The following TBC1D19 variants were observed in gnomAD, a reference collection of about 807,000 sequenced individuals.
TBC1D19 encodes TBC1 domain family member 19.
TBC1D19 carries 60 observed loss-of-function variants against 89.0 expected under a neutral mutation model. The ratio of observed to expected loss-of-function variants is 0.67; its 90% CI spans 0.55 to 0.84. The LOEUF (loss-of-function observed/expected upper bound fraction) is 0.84, where lower values mean the gene tolerates loss of function less well. Ranked by LOEUF, TBC1D19 falls within the 40% of genes least tolerant of loss-of-function variation. The probability of loss-of-function intolerance (pLI) is 0.00; values close to 1 mark genes in which losing one functional copy is unlikely to be tolerated. For missense variants in TBC1D19, 500 were observed against 610.8 expected (o/e 0.82, Z 1.91); for synonymous variants, 189 against 199.7 (o/e 0.95, Z 0.45).
the TBC1D19 span, among the ~76,000 whole-genome samples, chr4:26,854,956 C>T: frequency 6.6e-6 from 1 of 152,190 alleles, no homozygotes; most frequent in Non-Finnish European, 1.5e-5. Flanking sequence ...CCTGCAGAAA[C>T]CTTTGACTGA....
At chr4:26,597,372 A>T (rs1252970880) in intron 1 of TBC1D19, among the ~76,000 whole-genome samples, 2 of 152,088 alleles carry the variant, frequency 1.3e-5, no homozygotes, top group Non-Finnish European at 2.9e-5. Flanking sequence ...GTATGGTGTT[A>T]TTATAGCTGC....
chr4:26,682,724 TG>T (rs1713464971), intron 11 of TBC1D19, among the ~76,000 whole-genome samples: 1 of 152,282 alleles, frequency 6.6e-6, no homozygotes, highest in South Asian at 2.1e-4. Flanking sequence ...ATTACCCAGT[TG>T]ATCCCTACCT....
chr4:26,594,867 C>T (rs1740103444), intron 1 of TBC1D19, among the ~76,000 whole-genome samples: 3 of 152,320 alleles, frequency 2.0e-5, no homozygotes, highest in South Asian at 4.1e-4. Context: ...GAGACTCCGT[C>T]TCAAAAACAA....
chr4:26,671,265 T>C (rs1277697486), intron 9 of TBC1D19, among the ~76,000 whole-genome samples: 1 of 151,810 alleles, frequency 6.6e-6, no homozygotes, highest in Non-Finnish European at 1.5e-5. Flanking sequence ...GTGGTTTTAA[T>C]TGCATTTCCC....
At chr4:26,714,586 G>T (rs1247836472) in intron 13 of TBC1D19, among the ~76,000 whole-genome samples, 1 of 151,890 alleles carries the variant, frequency 6.6e-6, no homozygotes, top group East Asian at 1.9e-4. Flanking sequence ...GCATTTTGCG[G>T]ACCTAAAGCT....
intron 15 of TBC1D19, 21 bp downstream of exon 15, chr4:26,720,146 T>G: frequency 3.2e-6 from 5 of 1,572,994 alleles, no homozygotes; most frequent in Non-Finnish European, 4.3e-6. Context: ...TGCTATTGCT[T>G]CCTCTAGTGG....
At chr4:26,718,069 A>G in intron 14 of TBC1D19, 52 bp downstream of exon 14, 1 of 1,388,672 alleles carries the variant, frequency 7.2e-7, no homozygotes, top group South Asian at 1.3e-5. Flanking sequence ...AATCATGCCA[A>G]GAATATTTGT....
intron 7 of TBC1D19, among the ~76,000 whole-genome samples, chr4:26,644,148 G>A (rs941792745): frequency 5.3e-5 from 8 of 152,108 alleles, no homozygotes; most frequent in African/African-American, 1.4e-4. Context: ...CCAATACCCC[G>A]ATGAACATTG....
chr4:26,683,069 A>G (rs1488583713), intron 11 of TBC1D19, among the ~76,000 whole-genome samples: 1 of 152,186 alleles, frequency 6.6e-6, no homozygotes, highest in Non-Finnish European at 1.5e-5. Context: ...ATATTCTAAT[A>G]TTAAAAGCTG....
the TBC1D19 span, among the ~76,000 whole-genome samples, chr4:26,822,693 T>C: frequency 8.6e-4 from 124 of 144,852 alleles, 1 homozygote; most frequent in East Asian, 0.019. Flanking sequence ...CTGTAATAAA[T>C]GTATACTTCT....
At chr4:26,757,755 C>G (rs367730177), downstream of TBC1D19, among the ~76,000 whole-genome samples, 4 of 152,130 alleles carry the variant, frequency 2.6e-5, no homozygotes, top group East Asian at 1.9e-4. Context: ...AGCTTTTTCT[C>G]TCCCCCCAGA....
At chr4:26,818,074 C>CA in the TBC1D19 span, among the ~76,000 whole-genome samples, 3 of 151,212 alleles carry the variant, frequency 2.0e-5, no homozygotes, top group African/African-American at 7.3e-5. Flanking sequence ...GAAGTCCAGG[C>CA]ACCTGCCATG....
At chr4:26,767,264 T>G in the TBC1D19 span, among the ~76,000 whole-genome samples, 1 of 152,236 alleles carries the variant, frequency 6.6e-6, no homozygotes, top group African/African-American at 2.4e-5. Context: ...TTATATACTC[T>G]GAGAATTCCT....
chr4:26,632,335 T>A (rs1023333939), intron 4 of TBC1D19, among the ~76,000 whole-genome samples: 2 of 151,608 alleles, frequency 1.3e-5, no homozygotes, highest in Admixed American at 6.6e-5. Context: ...ACTGATAACA[T>A]TAAGTGGATT....
the TBC1D19 span, among the ~76,000 whole-genome samples, chr4:26,791,947 A>G: frequency 6.6e-6 from 1 of 152,194 alleles, no homozygotes; most frequent in Non-Finnish European, 1.5e-5. Context: ...AAGCTGTGAG[A>G]CTGGCTAAGA....
the TBC1D19 span, among the ~76,000 whole-genome samples, chr4:26,762,970 G>A: frequency 1.9e-4 from 29 of 152,252 alleles, 1 homozygote; most frequent in African/African-American, 6.3e-4. Context: ...TAATAATGTT[G>A]TATTGTTCTG....
At chr4:26,596,579 T>G (rs1398487790) in intron 1 of TBC1D19, among the ~76,000 whole-genome samples, 1 of 151,310 alleles carries the variant, frequency 6.6e-6, no homozygotes, top group African/African-American at 2.4e-5. Context: ...TAATTTTCTC[T>G]TAATTTCAGA....
chr4:26,724,991 A>T (rs1468766561), intron 15 of TBC1D19, among the ~76,000 whole-genome samples: 2 of 152,216 alleles, frequency 1.3e-5, no homozygotes, highest in Admixed American at 1.3e-4. Context: ...GTCAGTCCTG[A>T]AAAAGCCCAG....
At chr4:26,743,307 G>T (rs1718475422) in intron 18 of TBC1D19, among the ~76,000 whole-genome samples, 1 of 152,104 alleles carries the variant, frequency 6.6e-6, no homozygotes, top group Non-Finnish European at 1.5e-5. Flanking sequence ...GGCCACAAAA[G>T]AAGTTAGTGG....
Sources: allele counts gnomAD v4.1 joint callset (sites outside exome capture counted in the v4.1 genomes callset), GRCh38; gene constraint gnomAD v4.1.1; transcripts MANE v1.5; gene names NCBI Gene and HGNC (gene_info 2026-07-23, HGNC 2026-07-21).